The following FRMD3 variants were observed in gnomAD, a reference collection of about 807,000 sequenced individuals.
FRMD3 encodes the protein FERM domain containing 3.
FRMD3 carries 33 observed loss-of-function variants against 70.2 expected under a neutral mutation model. The ratio of observed to expected loss-of-function variants is 0.47; its 90% CI spans 0.36 to 0.63. The LOEUF (loss-of-function observed/expected upper bound fraction) is 0.63, where lower values mean the gene tolerates loss of function less well. Among genes scored for constraint, FRMD3 ranks in the 20% least tolerant of loss-of-function variants. FRMD3 has a pLI of 0.00. For missense variants in FRMD3, 632 were observed against 711.4 expected (o/e 0.89, Z 1.27); for synonymous variants, 279 against 255.9 (o/e 1.09, Z -0.86).
chr9:83,262,456 G>C (rs1317425926), intron 13 of FRMD3, among the ~76,000 whole-genome samples: 2 of 152,168 alleles, frequency 1.3e-5, no homozygotes, highest in African/African-American at 4.8e-5. Flanking sequence ...CTGGATGATA[G>C]CAATGGCTTC....
chr9:83,301,648 G>A (rs1266336392), intron 10 of FRMD3, among the ~76,000 whole-genome samples: 11 of 152,296 alleles, frequency 7.2e-5, no homozygotes, highest in East Asian at 1.9e-4. Context: ...TCAACCTCCT[G>A]GCCACTCAGG....
In FRMD3 at chr9:83,479,785, G is replaced by GGGAAGGAA. The variant is rs1242768755; in HGVS notation, c.147+58292_147+58299dup. On this transcript the variant is annotated intron_variant, in intron 1 of 13. Transcript: ENST00000304195. ...AGGGAGGGAGGGAGGGAGGGAGGGA[G>GGGAAGGAA]GGAAGGAAGGAAGGAAGGAAGGAAG... Among the ~76,000 whole-genome samples, 295 of 42,538 alleles carry GGGAAGGAA rather than the reference G, an allele frequency of 6.9e-3. 6 individuals are homozygous for GGGAAGGAA. The highest frequency in any genetic ancestry group is 0.023 in the East Asian group (46 of 2,030). 27.9% of individuals were successfully genotyped at this position (42,538 alleles called of 152,430 possible).
At chr9:83,490,423 G>C (rs969470138) in intron 1 of FRMD3, among the ~76,000 whole-genome samples, 5 of 151,714 alleles carry the variant, frequency 3.3e-5, no homozygotes, top group African/African-American at 1.2e-4. Context: ...TGAGTAGTTG[G>C]GATTACAGGC....
At chr9:83,464,308 A>G (rs368313635) in intron 1 of FRMD3, among the ~76,000 whole-genome samples, 5 of 152,126 alleles carry the variant, frequency 3.3e-5, no homozygotes, top group Non-Finnish European at 5.9e-5. Context: ...CAAATTCTCT[A>G]TGAGTACCAG....
At chr9:83,504,519 G>A (rs770814102) in intron 1 of FRMD3, among the ~76,000 whole-genome samples, 20 of 151,602 alleles carry the variant, frequency 1.3e-4, no homozygotes, top group African/African-American at 4.6e-4. Context: ...CCTCACACTC[G>A]CCAAGCTCCC....
chr9:83,522,032 G>A (rs1272170820), intron 1 of FRMD3, among the ~76,000 whole-genome samples: 1 of 152,178 alleles, frequency 6.6e-6, no homozygotes, highest in Non-Finnish European at 1.5e-5. Context: ...GAGACACGCT[G>A]AGGGTGAACG....
chr9:83,584,779 G>A, the FRMD3 span, among the ~76,000 whole-genome samples: 1 of 152,154 alleles, frequency 6.6e-6, no homozygotes, highest in Non-Finnish European at 1.5e-5. Context: ...TCCAGATTCT[G>A]CACTCATTGC....
chr9:83,503,261 C>G (rs963451689), intron 1 of FRMD3, among the ~76,000 whole-genome samples: 1 of 152,028 alleles, frequency 6.6e-6, no homozygotes, highest in Non-Finnish European at 1.5e-5. Context: ...GGTCATATAC[C>G]CTATAGTCCT....
chr9:83,501,583 T>A (rs1034219107), intron 1 of FRMD3, among the ~76,000 whole-genome samples: 3 of 152,242 alleles, frequency 2.0e-5, no homozygotes, highest in Non-Finnish European at 4.4e-5. Context: ...ACAAAAATGA[T>A]ACAAATGTGT....
chr9:83,322,490 C>T (rs1835839402), intron 6 of FRMD3, among the ~76,000 whole-genome samples: 1 of 152,162 alleles, frequency 6.6e-6, no homozygotes, highest in African/African-American at 2.4e-5. Context: ...TCTCCTCTCC[C>T]CTCCTTGCAG....
intron 13 of FRMD3, among the ~76,000 whole-genome samples, chr9:83,260,307 G>T (rs7027917): frequency 6.6e-6 from 1 of 152,152 alleles, no homozygotes; most frequent in Non-Finnish European, 1.5e-5. Context: ...GCAACAGAGC[G>T]GAGGTTTGTA....
chr9:83,474,720 C>G, intron 1 of FRMD3, among the ~76,000 whole-genome samples: 1 of 151,848 alleles, frequency 6.6e-6, no homozygotes, highest in Non-Finnish European at 1.5e-5. Flanking sequence ...ACCTGAAAGT[C>G]CAAACTCCCA....
At chr9:83,562,714 G>C in the FRMD3 span, among the ~76,000 whole-genome samples, 1 of 152,200 alleles carries the variant, frequency 6.6e-6, no homozygotes, top group Non-Finnish European at 1.5e-5. Context: ...CTCTGTGAAA[G>C]AAGGGTTTTA....
intron 1 of FRMD3, among the ~76,000 whole-genome samples, chr9:83,424,904 T>C (rs953758851): frequency 6.6e-6 from 1 of 152,228 alleles, no homozygotes; most frequent in Non-Finnish European, 1.5e-5. Flanking sequence ...CCCAGTTCTA[T>C]CTGGCTTTGC....
At chr9:83,447,716 G>A (rs1827522971) in intron 1 of FRMD3, among the ~76,000 whole-genome samples, 1 of 152,136 alleles carries the variant, frequency 6.6e-6, no homozygotes, top group Non-Finnish European at 1.5e-5. Context: ...GGGCACAGAG[G>A]CCAGAAAATC....
chr9:83,416,522 T>C (rs1246170065), intron 1 of FRMD3, among the ~76,000 whole-genome samples: 1 of 152,234 alleles, frequency 6.6e-6, no homozygotes, highest in Non-Finnish European at 1.5e-5. Flanking sequence ...ATCTTATCTG[T>C]CTTGTTCAGA....
chr9:83,286,053 A>C lies in FRMD3; in HGVS notation c.1195+4550T>G, dbSNP rs11140006. 2.3e-3 allele frequency among the ~76,000 whole-genome samples: 345 copies of C among 152,290 alleles called. 11 individuals are homozygous for C. In the East Asian group the frequency reaches 0.054, roughly 24 times the overall value. On this transcript the variant is annotated intron_variant, in intron 13 of 13. Coordinates refer to ENST00000304195, the MANE Select transcript of FRMD3 (RefSeq NM_174938.6). ...TAATCCTCCAGCTGTCATATGGCTG[A>C]ATGGGGTCACACGTTTTCCCAGAAC...
the FRMD3 span, among the ~76,000 whole-genome samples, chr9:83,549,590 TTTGCAACC>T: frequency 2.0e-5 from 3 of 152,168 alleles, no homozygotes; most frequent in African/African-American, 7.2e-5. Flanking sequence ...TTTCCTTTTC[TTTGCAACC>T]TTGCCAGCAT....
intron 5 of FRMD3, among the ~76,000 whole-genome samples, chr9:83,340,157 C>G (rs548836715): frequency 6.6e-6 from 1 of 152,086 alleles, no homozygotes; most frequent in African/African-American, 2.4e-5. Flanking sequence ...CTGAGTAACA[C>G]AGTGAGATCC....
Sources: gnomAD v4.1 joint callset for allele counts (sites outside exome capture counted in the v4.1 genomes callset) on GRCh38, gnomAD v4.1.1 for gene constraint, MANE v1.5 for transcripts, NCBI Gene and HGNC (gene_info 2026-07-23, HGNC 2026-07-21) for gene names.